Variants in TLK1 observed in about 807,000 individuals in gnomAD.
TLK1 encodes the protein serine/threonine-protein kinase tousled-like 1.
Under a neutral mutation model 105.3 loss-of-function variants are expected in TLK1, and 24 were observed. That is an observed-to-expected ratio of 0.23 (90% CI 0.17 to 0.32). The LOEUF (loss-of-function observed/expected upper bound fraction) is 0.32, where lower values mean the gene tolerates loss of function less well. TLK1 is among the 10% of genes least tolerant of loss of function. The pLI, the probability that TLK1 is intolerant of heterozygous loss-of-function variation, is 1.00. For synonymous variants in TLK1, 321 were observed against 310.4 expected (o/e 1.03, Z -0.36); for missense variants, 558 against 910.5 (o/e 0.61, Z 4.98).
intron 3 of TLK1, among the ~76,000 whole-genome samples, chr2:171,066,386 AG>A (rs1687992776): frequency 6.6e-6 from 1 of 152,192 alleles, no homozygotes; most frequent in South Asian, 2.1e-4. Context: ...AAAAGATGGT[AG>A]AACACCAGTA....
chr2:171,008,630 C>T (rs1462111845), intron 14 of TLK1, among the ~76,000 whole-genome samples: 1 of 152,152 alleles, frequency 6.6e-6, no homozygotes, highest in East Asian at 1.9e-4. Context: ...CAACATCTCC[C>T]ATCCTGGTAT....
intron 1 of TLK1, among the ~76,000 whole-genome samples, chr2:171,209,421 T>C (rs1206173194): frequency 1.3e-5 from 2 of 152,226 alleles, no homozygotes; most frequent in African/African-American, 2.4e-5. Context: ...TGAAAATTTA[T>C]ATTGTAAGTG....
chr2:171,073,143 A>G (rs1462713238), intron 3 of TLK1, among the ~76,000 whole-genome samples: 8 of 152,104 alleles, frequency 5.3e-5, no homozygotes, highest in African/African-American at 1.9e-4. Flanking sequence ...CAAATATAAG[A>G]TTATATAATC....
At chr2:171,116,484 T>C (rs752792610) in intron 2 of TLK1, among the ~76,000 whole-genome samples, 3 of 152,090 alleles carry the variant, frequency 2.0e-5, no homozygotes, top group Non-Finnish European at 4.4e-5. Flanking sequence ...GTGGATCACC[T>C]GAGGTCAGGA....
chr2:171,149,163 G>C (rs1339052966), intron 1 of TLK1, among the ~76,000 whole-genome samples: 1 of 85,804 alleles, frequency 1.2e-5, no homozygotes, highest in Non-Finnish European at 2.1e-5. Context: ...TAAATAAATT[G>C]TATTTCTCTC....
At chr2:171,130,392 TCTATCTC>T (rs1428763115) in intron 1 of TLK1, among the ~76,000 whole-genome samples, 3 of 82,692 alleles carry the variant, frequency 3.6e-5, no homozygotes, top group African/African-American at 1.4e-4. Flanking sequence ...ACAGAGCAAC[TCTATCTC>T]GGGGAAAAAA....
chr2:171,185,013 C>T (rs1280729781), intron 1 of TLK1, among the ~76,000 whole-genome samples: 5 of 151,994 alleles, frequency 3.3e-5, no homozygotes, highest in Admixed American at 6.6e-5. Context: ...TAATTTTTTG[C>T]ATTTTTTAGT....
rs977501854 is a variant in TLK1 at position 171,011,427 on chromosome 2, T to G, written c.1362A>C (p.Glu454Asp). ...SQFKDHPTLN[E>D]RYLLLHLLGR... ...CAAGCAGATGAAGTAATAAATATCTTTCATTTAATGTTGGGTGATCTTTGA... is the reference window on the plus strand; with the variant it reads ...CAAGCAGATGAAGTAATAAATATCTGTCATTTAATGTTGGGTGATCTTTGA... The change falls in exon 14 of 21, where the codon GAA (glutamate) becomes GAC (aspartate). Residue 454 changes from glutamate to aspartate, a missense_variant. By Grantham distance (45) the Glu-to-Asp change is conservative. Around this residue, in one of 5 missense-constraint regions of TLK1, gnomAD observed 218 missense variants for 492.9 expected, o/e 0.44. Transcript: ENST00000431350. 1 of 1,613,342 alleles carries G rather than the reference T, an allele frequency of 6.2e-7. No homozygotes were observed. The highest frequency in any genetic ancestry group is 1.7e-5 in the Admixed American group (1 of 59,938).
rs371416012 is a variant in TLK1 at position 171,195,299 on chromosome 2, T to G, written c.-6+35846A>C. Among the ~76,000 whole-genome samples, 17 of 151,830 alleles carry G rather than the reference T, an allele frequency of 1.1e-4. No individual in the cohort carries two copies. In the East Asian group the frequency reaches 2.0e-3, roughly 17 times the overall value. Reference sequence around the variant, plus strand: ...CGGGCGGATCACGAGGTCAGGAGATTGAGACCATCCTGGCTAACACGGTGA... The same window carrying G: ...CGGGCGGATCACGAGGTCAGGAGATGGAGACCATCCTGGCTAACACGGTGA... On this transcript the variant is annotated intron_variant, in intron 1 of 20. Coordinates refer to the TLK1 transcript ENST00000521943.
chr2:171,009,768 A>G (rs1351443252), intron 14 of TLK1, among the ~76,000 whole-genome samples: 1 of 152,242 alleles, frequency 6.6e-6, no homozygotes, highest in Non-Finnish European at 1.5e-5. Flanking sequence ...AGAAGCCCAA[A>G]TTAATAAAAT....
At chr2:171,103,714 A>G (rs573112947) in intron 2 of TLK1, among the ~76,000 whole-genome samples, 25 of 152,254 alleles carry the variant, frequency 1.6e-4, no homozygotes, top group African/African-American at 6.0e-4. Flanking sequence ...TCCATCTTAT[A>G]TAATAGCAGA....
In TLK1 at chr2:171,117,828, G is replaced by C; in HGVS notation, c.169C>G (p.Pro57Ala). 6.2e-7 allele frequency: 1 copy of C among 1,613,126 alleles called. No homozygotes were observed. Among genetic ancestry groups the C allele is most frequent in the Non-Finnish European group, 8.5e-7 (1 of 1,179,806 alleles). Residue 57 changes from proline to alanine, a missense_variant, in exon 2 of 21, where the codon CCA becomes GCA. Transcript: ENST00000431350. ...GAMDELHSLD[P>A]RRQELLEARF... is the part of the protein sequence containing the mutation. ...GCTTCCAATAACTCTTGCCTTCTTGGATCCAGACTATGAAGCTCATCCATT... is the reference window on the plus strand; with the variant it reads ...GCTTCCAATAACTCTTGCCTTCTTGCATCCAGACTATGAAGCTCATCCATT...
At chr2:171,185,453 C>T (rs1028187939) in intron 1 of TLK1, among the ~76,000 whole-genome samples, 2 of 152,142 alleles carry the variant, frequency 1.3e-5, no homozygotes, top group African/African-American at 2.4e-5. Flanking sequence ...CACTGCCTAT[C>T]TCACCAGTGT....
Position 171,160,337 on chromosome 2 carries a change from G to A in TLK1, c.92C>T (p.Ala31Val), listed in dbSNP as rs1489473283. The change falls in exon 1 of 21, where the codon GCC (alanine) becomes GTC (valine). Residue 31 changes from alanine (A) to valine (V), a missense_variant. By Grantham distance (64) the Ala-to-Val change is moderately conservative. Around this residue, in one of 5 missense-constraint regions of TLK1, gnomAD observed 104 missense variants for 116.0 expected, o/e 0.90. Transcript: ENST00000431350. The surrounding 1 kb of genome is among the most constrained non-coding windows in gnomAD (Gnocchi z 4.4). ...TSPTPGSAAA[A>V]RSLLNHTPPS... ...CGGCGTGTGATTCAGCAGGGACCTG[G>A]CCGCCGCCGCCGAGCCCGGGGTTGG... is the stretch of plus-strand genomic sequence containing the variant. 2 of 1,602,404 alleles carry A rather than the reference G, an allele frequency of 1.2e-6. No individual in the cohort carries two copies. The highest frequency in any genetic ancestry group is 1.7e-6 in the Non-Finnish European group (2 of 1,175,552).
intron 1 of TLK1, among the ~76,000 whole-genome samples, chr2:171,146,350 T>C (rs1283233435): frequency 6.6e-6 from 1 of 152,140 alleles, no homozygotes; most frequent in Non-Finnish European, 1.5e-5. Context: ...AGTTCTTAAG[T>C]GTGATGACTG....
At chr2:171,171,141 G>T (rs1692717948) in intron 1 of TLK1, among the ~76,000 whole-genome samples, 1 of 152,104 alleles carries the variant, frequency 6.6e-6, no homozygotes, top group Admixed American at 6.5e-5. Context: ...TAACCATATG[G>T]GATATTTTTG....
chr2:171,007,056 T>C lies in TLK1; in HGVS notation c.1424A>G (p.Asp475Gly). ...GGFSEVYKAF[D>G]LYEQRYAAVK... is the part of the protein sequence containing the mutation. ...AGCAGCATATCTTTGTTCATAAAGG[T>C]CAAAAGCCTAGGATTTCAAGTCAAA... is the stretch of plus-strand genomic sequence containing the variant. The change falls in exon 15 of 21, where the codon GAC (aspartate) becomes GGC (glycine). Residue 475 changes from aspartate (D) to glycine (G), a missense_variant. Coordinates refer to ENST00000431350, the MANE Select transcript of TLK1 (RefSeq NM_012290.5). 6.2e-7 allele frequency: 1 copy of C among 1,600,306 alleles called. No homozygotes were observed. The highest frequency in any genetic ancestry group is 8.5e-7 in the Non-Finnish European group (1 of 1,176,656).
chr2:171,007,192 T>C, intron 14 of TLK1, 129 bp from the exon 15 acceptor site: 1 of 660,120 alleles, frequency 1.5e-6, no homozygotes. Flanking sequence ...TTAATGATCT[T>C]CTCTGCTAAG....
chr2:171,082,856 T>A lies in TLK1; in HGVS notation c.259-4A>T. ...AGCTTTCGTTATTTGTTGAGGCCTG[T>A]TAAAGATTTTTTAAAAGGTAAAAAT... On this transcript the variant is annotated splice_polypyrimidine_tract_variant and splice_region_variant and intron_variant, in intron 2 of 20. Coordinates refer to ENST00000431350, the MANE Select transcript of TLK1 (RefSeq NM_012290.5). 1 of 1,595,690 alleles carries A rather than the reference T, an allele frequency of 6.3e-7. No homozygotes were observed. Among genetic ancestry groups the A allele is most frequent in the Non-Finnish European group, 8.5e-7 (1 of 1,174,122 alleles).
Sources: gnomAD v4.1 joint callset for allele counts (sites outside exome capture counted in the v4.1 genomes callset) on GRCh38, gnomAD v4.1.1 for gene constraint, gnomAD v4.1.1 regional missense constraint, Gnocchi (gnomAD v3.1) non-coding constraint, MANE v1.5 for transcripts, NCBI Gene and HGNC (gene_info 2026-07-23, HGNC 2026-07-21) for gene names.